ANO2: variants seen among roughly 807,000 people sequenced by gnomAD.
The protein encoded by ANO2 is anoctamin-2.
ANO2 carries 101 observed loss-of-function variants against 124.2 expected under a neutral mutation model. That is an observed-to-expected ratio of 0.81 (90% CI 0.69 to 0.96). The LOEUF (loss-of-function observed/expected upper bound fraction) is 0.96, where lower values mean the gene tolerates loss of function less well. Ranked by LOEUF, ANO2 falls within the 40% of genes least tolerant of loss-of-function variation. ANO2 has a pLI of 0.00. For synonymous variants in ANO2, 486 were observed against 482.5 expected (o/e 1.01, Z -0.09); for missense variants, 1,293 against 1,274.5 (o/e 1.01, Z -0.22).
At chr12:5,624,241 GGAGAGA>G (rs371489925) in intron 16 of ANO2, among the ~76,000 whole-genome samples, 1 of 149,044 alleles carries the variant, frequency 6.7e-6, no homozygotes, top group African/African-American at 2.5e-5. Flanking sequence ...AGGGAGCACT[GGAGAGA>G]GAGAGAGAGA....
intron 1 of ANO2, among the ~76,000 whole-genome samples, chr12:5,941,839 C>G (rs1490686906): frequency 2.0e-5 from 3 of 151,936 alleles, no homozygotes; most frequent in African/African-American, 7.3e-5. Context: ...ACAATGGAGA[C>G]CAAAAGAGTG....
chr12:5,721,604 C>T (rs547879202), intron 14 of ANO2, among the ~76,000 whole-genome samples: 236 of 152,130 alleles, frequency 1.6e-3, no homozygotes, highest in Non-Finnish European at 2.1e-3. Flanking sequence ...CTCCTGGGCT[C>T]AAGCCATCCT....
intron 3 of ANO2, among the ~76,000 whole-genome samples, chr12:5,888,126 G>A (rs1939084815): frequency 6.6e-6 from 1 of 152,122 alleles, no homozygotes; most frequent in African/African-American, 2.4e-5. Flanking sequence ...GATGTGTTCG[G>A]AGTTTCTTCC....
At chr12:5,760,272 C>T (rs1225647127) in intron 10 of ANO2, among the ~76,000 whole-genome samples, 1 of 151,974 alleles carries the variant, frequency 6.6e-6, no homozygotes. Context: ...AGCAATTTCC[C>T]CTTAGATAAT....
chr12:5,902,544 G>A lies in ANO2; in HGVS notation c.534+18496C>T, dbSNP rs113606589. On this transcript the variant is annotated intron_variant, in intron 3 of 24. Transcript: ENST00000682330. ...TTAGAGGTTTCAGTGAGCCATGATCGCACCACTGCACTCCAGCCTGGCCAA... is the reference window on the plus strand; with the variant it reads ...TTAGAGGTTTCAGTGAGCCATGATCACACCACTGCACTCCAGCCTGGCCAA... 9.9e-3 allele frequency among the ~76,000 whole-genome samples: 1,275 copies of A among 128,312 alleles called. 30 individuals carry two copies. The highest frequency in any genetic ancestry group is 0.037 in the African/African-American group (1,213 of 33,214). 84.2% of individuals were successfully genotyped at this position (128,312 alleles called of 152,430 possible). A position where few individuals can be genotyped will look rare whatever the true frequency, so the allele number is the denominator to read the frequency against.
chr12:5,923,183 CAT>C lies in ANO2; in HGVS notation c.23-381_23-380del, dbSNP rs1212130968. Among the ~76,000 whole-genome samples the C allele has an allele frequency of 2.7e-3, 133 of 49,880 alleles. 1 individual carries two copies. The highest frequency in any genetic ancestry group is 8.4e-3 in the East Asian group (5 of 592). 32.7% of individuals were successfully genotyped at this position (49,880 alleles called of 152,430 possible). ...ACGCATACACACACACGCACACACA[CAT>C]ACACACACACGCACGCACACACACC... On this transcript the variant is annotated intron_variant, in intron 1 of 24. Coordinates refer to ENST00000682330, the MANE Select transcript of ANO2 (RefSeq NM_001364791.2).
chr12:5,588,720 T>C (rs1017355040), intron 20 of ANO2, among the ~76,000 whole-genome samples: 3 of 152,250 alleles, frequency 2.0e-5, no homozygotes, highest in Non-Finnish European at 4.4e-5. Flanking sequence ...TGGCACTGAC[T>C]CTGTTTTACC....
In ANO2 at chr12:5,913,068, G is replaced by A. The variant is rs533792514; in HGVS notation, c.534+7972C>T. 3.3e-5 allele frequency among the ~76,000 whole-genome samples: 5 copies of A among 152,144 alleles called. 1 individual carries two copies. The South Asian group carries it at 1.0e-3, about 32-fold the overall frequency. ...TCCCCATCCCATAGAAATACACCAC[G>A]CCCCGATCCAGCACCAGCAGCCTGC... On this transcript the variant is annotated intron_variant, in intron 3 of 24. Coordinates refer to ENST00000682330, the MANE Select transcript of ANO2 (RefSeq NM_001364791.2).
At chr12:5,834,305 C>T (rs1565708586) in intron 4 of ANO2, among the ~76,000 whole-genome samples, 1 of 152,188 alleles carries the variant, frequency 6.6e-6, no homozygotes, top group Non-Finnish European at 1.5e-5. Flanking sequence ...ATCCTATTTC[C>T]TTCTCTACCA....
chr12:5,754,369 C>G (rs979222536), intron 10 of ANO2, among the ~76,000 whole-genome samples: 1 of 152,054 alleles, frequency 6.6e-6, no homozygotes, highest in African/African-American at 2.4e-5. Flanking sequence ...GGATGTTGAC[C>G]TATAGTTCTC....
chr12:5,702,144 C>A (rs12306507), intron 14 of ANO2, among the ~76,000 whole-genome samples: 2 of 152,064 alleles, frequency 1.3e-5, no homozygotes, highest in Non-Finnish European at 1.5e-5. Context: ...TAAATGTTCC[C>A]TCATAGGGGA....
intron 14 of ANO2, among the ~76,000 whole-genome samples, chr12:5,728,118 T>G (rs1950514090): frequency 1.3e-5 from 2 of 152,178 alleles, no homozygotes; most frequent in African/African-American, 4.8e-5. Context: ...ACCACTTCTA[T>G]TCAGCATTGT....
At chr12:5,858,864 C>T (rs1275369397) in intron 3 of ANO2, among the ~76,000 whole-genome samples, 12 of 152,216 alleles carry the variant, frequency 7.9e-5, no homozygotes. Context: ...CTGGGGAAAA[C>T]CAGTTCCCGT....
chr12:5,592,403 G>GCA (rs1414121968), intron 20 of ANO2, among the ~76,000 whole-genome samples: 1 of 152,054 alleles, frequency 6.6e-6, no homozygotes, highest in Non-Finnish European at 1.5e-5. Flanking sequence ...GTCTGAGCCT[G>GCA]CAACACTCAG....
At position 5,839,607 on chromosome 12, in the gene ANO2, G is replaced by T. The variant is rs930491222; in HGVS notation, c.634-7004C>A. The T allele has an allele frequency of 5.5e-5, 25 of 455,856 alleles. 1 individual carries two copies. The highest frequency in any genetic ancestry group is 1.1e-4 in the Non-Finnish European group (24 of 226,758). 28.2% of individuals were successfully genotyped at this position (455,856 alleles called of 1,614,324 possible). A position where few individuals can be genotyped will look rare whatever the true frequency, so the allele number is the denominator to read the frequency against. On this transcript the variant is annotated intron_variant, in intron 4 of 24. Coordinates refer to ENST00000682330, the MANE Select transcript of ANO2 (RefSeq NM_001364791.2). ...CACAAGCATCTCTGGGTACCTCCTA[G>T]ATGTCCAGTCCTGAGCTTGGTGGTT... is the stretch of plus-strand genomic sequence containing the variant.
intron 16 of ANO2, among the ~76,000 whole-genome samples, chr12:5,624,241 GGA>G (rs371489925): frequency 8.1e-5 from 12 of 148,834 alleles, no homozygotes; most frequent in Non-Finnish European, 1.2e-4. Context: ...AGGGAGCACT[GGA>G]GAGAGAGAGA....
At chr12:5,668,111 T>A (rs569807893) in intron 14 of ANO2, among the ~76,000 whole-genome samples, 49 of 152,342 alleles carry the variant, frequency 3.2e-4, no homozygotes, top group Admixed American at 7.8e-4. Flanking sequence ...TGGTTCTAGA[T>A]CTTTAAGGAA....
At position 5,723,924 on chromosome 12, in the gene ANO2, G is replaced by A. The variant is rs188280141; in HGVS notation, c.1545+8596C>T. On this transcript the variant is annotated intron_variant, in intron 14 of 24. Transcript: ENST00000682330. ...GCAGCTTCTCAGCCCTTATCAGACC[G>A]GCTCAGGGACTGGTCTGAGAGCACA... Among the ~76,000 whole-genome samples the A allele has an allele frequency of 2.5e-3, 377 of 152,140 alleles. 5 individuals are homozygous for A. The highest frequency in any genetic ancestry group is 0.022 in the Admixed American group (343 of 15,284).
At chr12:5,786,314 G>A (rs1952537977) in intron 10 of ANO2, among the ~76,000 whole-genome samples, 1 of 152,162 alleles carries the variant, frequency 6.6e-6, no homozygotes, top group African/African-American at 2.4e-5. Flanking sequence ...TGATGTGTAA[G>A]TAGACCCACC....
Sources: gnomAD v4.1 joint callset for allele counts (sites outside exome capture counted in the v4.1 genomes callset) on GRCh38, gnomAD v4.1.1 for gene constraint, MANE v1.5 for transcripts, NCBI Gene and HGNC (gene_info 2026-07-23, HGNC 2026-07-21) for gene names.